CNTN5: variants seen among roughly 807,000 people sequenced by gnomAD.
CNTN5 encodes contactin-5.
Under a neutral mutation model 129.1 loss-of-function variants are expected in CNTN5, and 77 were observed. The observed-to-expected ratio is 0.60, with a 90% CI of 0.50 to 0.72. The LOEUF is 0.72. Among genes scored for constraint, CNTN5 ranks in the 30% least tolerant of loss-of-function variants. The pLI is 0.00. For synonymous variants in CNTN5, 509 were observed against 465.6 expected (o/e 1.09, Z -1.20); for missense variants, 1,478 against 1,328.8 (o/e 1.11, Z -1.75).
chr11:99,035,737 G>A (rs1450486948), intron 1 of CNTN5, among the ~76,000 whole-genome samples: 2 of 150,886 alleles, frequency 1.3e-5, no homozygotes, highest in African/African-American at 2.5e-5. Flanking sequence ...TTGCCAGTCT[G>A]TGTCTTTTAA....
chr11:100,121,701 T>C (rs903412814), intron 13 of CNTN5, among the ~76,000 whole-genome samples: 2 of 152,078 alleles, frequency 1.3e-5, no homozygotes, highest in African/African-American at 4.8e-5. Flanking sequence ...CAGGCACTGA[T>C]TGATGTCCTG....
chr11:100,062,016 C>T (rs1481473634), intron 10 of CNTN5, among the ~76,000 whole-genome samples: 1 of 152,144 alleles, frequency 6.6e-6, no homozygotes, highest in Non-Finnish European at 1.5e-5. Context: ...TGCCAGTCAA[C>T]CAGGTTGTGT....
chr11:99,187,530 A>C (rs1858415087), intron 1 of CNTN5, among the ~76,000 whole-genome samples: 1 of 151,910 alleles, frequency 6.6e-6, no homozygotes, highest in African/African-American at 2.4e-5. Flanking sequence ...TTTTAATACA[A>C]ATTTAATATC....
At chr11:99,756,752 T>C (rs1355639375) in intron 3 of CNTN5, among the ~76,000 whole-genome samples, 3 of 152,108 alleles carry the variant, frequency 2.0e-5, no homozygotes, top group Non-Finnish European at 2.9e-5. Context: ...ATTCTTGTTA[T>C]ATAAGAAAGA....
chr11:99,037,598 T>TA (rs3081818), intron 1 of CNTN5, among the ~76,000 whole-genome samples: 3 of 147,100 alleles, frequency 2.0e-5, no homozygotes, highest in Non-Finnish European at 3.0e-5. Flanking sequence ...TTTTTTTTTT[T>TA]AACATGGAGT....
intron 6 of CNTN5, among the ~76,000 whole-genome samples, chr11:99,901,232 G>T (rs116902459): frequency 6.6e-6 from 1 of 152,074 alleles, no homozygotes. Flanking sequence ...TTTTGGGTGA[G>T]ATGACATTAG....
intron 7 of CNTN5, among the ~76,000 whole-genome samples, chr11:99,937,613 A>G (rs1207258398): frequency 6.6e-6 from 1 of 152,176 alleles, no homozygotes; most frequent in African/African-American, 2.4e-5. Flanking sequence ...TGTTGTACAT[A>G]AGAGAAAGAC....
At chr11:100,113,311 A>G (rs1444469226) in intron 13 of CNTN5, among the ~76,000 whole-genome samples, 1 of 150,936 alleles carries the variant, frequency 6.6e-6, no homozygotes, top group African/African-American at 2.4e-5. Flanking sequence ...TAGCTACTAT[A>G]TTAATCATAC....
At chr11:99,562,309 T>C (rs1401100599) in intron 3 of CNTN5, among the ~76,000 whole-genome samples, 2 of 152,148 alleles carry the variant, frequency 1.3e-5, no homozygotes, top group Non-Finnish European at 2.9e-5. Context: ...TTTATTTTCT[T>C]TGAGATCTGC....
intron 3 of CNTN5, among the ~76,000 whole-genome samples, chr11:99,814,599 G>A (rs1159560738): frequency 6.6e-6 from 1 of 152,120 alleles, no homozygotes; most frequent in Non-Finnish European, 1.5e-5. Context: ...CCAGGGTGAA[G>A]AGCAGTGTGC....
chr11:99,393,808 A>T (rs564975993), intron 2 of CNTN5, among the ~76,000 whole-genome samples: 1 of 151,906 alleles, frequency 6.6e-6, no homozygotes, highest in African/African-American at 2.4e-5. Context: ...AAACAAAACA[A>T]TGTGGGAAAA....
intron 1 of CNTN5, among the ~76,000 whole-genome samples, chr11:99,197,783 A>G (rs893074887): frequency 6.6e-6 from 1 of 152,062 alleles, no homozygotes; most frequent in Non-Finnish European, 1.5e-5. Context: ...CTACCATTTA[A>G]CTATTGGATA....
intron 10 of CNTN5, among the ~76,000 whole-genome samples, chr11:100,070,049 A>G (rs1306202580): frequency 1.3e-5 from 2 of 151,902 alleles, no homozygotes; most frequent in African/African-American, 4.8e-5. Flanking sequence ...GATACACTGT[A>G]TATTTCTACC....
At chr11:99,784,056 T>TC (rs1349698784) in intron 3 of CNTN5, among the ~76,000 whole-genome samples, 1 of 152,194 alleles carries the variant, frequency 6.6e-6, no homozygotes, top group Admixed American at 6.5e-5. Context: ...TAGTCACTAC[T>TC]CAAATGTATG....
intron 2 of CNTN5, among the ~76,000 whole-genome samples, chr11:99,462,454 C>A (rs988742611): frequency 2.0e-5 from 3 of 147,018 alleles, no homozygotes; most frequent in Non-Finnish European, 4.4e-5. Flanking sequence ...CATGAATGAG[C>A]ATTATATTGA....
At chr11:99,034,646 T>G (rs1183506121) in intron 1 of CNTN5, among the ~76,000 whole-genome samples, 1 of 150,898 alleles carries the variant, frequency 6.6e-6, no homozygotes, top group Non-Finnish European at 1.5e-5. Flanking sequence ...TGCGTCTATT[T>G]GATTCTTCTC....
chr11:99,222,439 T>C (rs908567401), intron 1 of CNTN5, among the ~76,000 whole-genome samples: 4 of 152,040 alleles, frequency 2.6e-5, no homozygotes, highest in African/African-American at 9.7e-5. Flanking sequence ...CTAAACTTTC[T>C]TTGATATGGA....
chr11:99,716,884 G>A lies in CNTN5; in HGVS notation c.56-102660G>A, dbSNP rs11221102. Among the ~76,000 whole-genome samples the A allele has an allele frequency of 1.2e-3, 187 of 152,192 alleles. 2 individuals carry two copies. The highest frequency in any genetic ancestry group is 4.4e-3 in the African/African-American group (184 of 41,554). On this transcript the variant is annotated intron_variant, in intron 3 of 24. Coordinates refer to ENST00000524871, the MANE Select transcript of CNTN5 (RefSeq NM_014361.4). ...TTTATGTTCAAGCATTATGCTAAGT[G>A]CAGTGTGTGCTGGAGAAAATAGAAA...
intron 16 of CNTN5, 69 bp from the exon 17 acceptor site, chr11:100,255,691 G>A: frequency 1.4e-6 from 2 of 1,379,836 alleles, no homozygotes; most frequent in Non-Finnish European, 2.0e-6. Flanking sequence ...CTACATATTG[G>A]AAATATAATT....
Sources: gnomAD v4.1 joint callset for allele counts (sites outside exome capture counted in the v4.1 genomes callset) on GRCh38, gnomAD v4.1.1 for gene constraint, MANE v1.5 for transcripts, NCBI Gene and HGNC (gene_info 2026-07-23, HGNC 2026-07-21) for gene names.